DHX8: variants seen among roughly 807,000 people sequenced by gnomAD.
DHX8 encodes the protein DEAH-box helicase 8, also known as ATP-dependent RNA helicase DHX8.
Under a neutral mutation model 140.7 loss-of-function variants are expected in DHX8, and 67 were observed. The observed-to-expected ratio is 0.48, with a 90% CI of 0.39 to 0.58. DHX8 has a LOEUF of 0.58. Among genes scored for constraint, DHX8 ranks in the 20% least tolerant of loss-of-function variants. The pLI, the probability that DHX8 is intolerant of heterozygous loss-of-function variation, is 0.00. For missense variants in DHX8, 887 were observed against 1,550.7 expected (o/e 0.57, Z 7.19); for synonymous variants, 533 against 553.2 (o/e 0.96, Z 0.51).
intron 2 of DHX8, chr17:43,533,813 C>G: frequency 6.2e-7 from 1 of 1,600,230 alleles, no homozygotes; most frequent in East Asian, 2.3e-5. Context: ...CCTCCCTCCT[C>G]TGGAACCCTT....
Position 43,520,285 on chromosome 17 carries a change from C to T in DHX8, c.2937+18C>T, listed in dbSNP as rs556512585. 9 of 1,611,260 alleles carry T rather than the reference C, an allele frequency of 5.6e-6. No homozygotes were observed. The South Asian group carries it at 7.7e-5, about 14-fold the overall frequency. The stretch of plus-strand genomic sequence containing the variant: ...GCCGCCGGGTAAGGGACAGACTCAA[C>T]TTCCTGTGCTTTTGGGAAGATTCCC... On this transcript the variant is annotated intron_variant, in intron 19 of 22. Transcript: ENST00000262415.
intron 12 of DHX8, among the ~76,000 whole-genome samples, chr17:43,506,181 T>G (rs1367675934): frequency 1.3e-5 from 2 of 151,948 alleles, no homozygotes; most frequent in Non-Finnish European, 2.9e-5. Context: ...GTTTTTTGTA[T>G]TTTTTGTAGA....
At chr17:43,490,325 C>A in intron 2 of DHX8, 66 bp from the exon 3 acceptor site, 1 of 1,250,598 alleles carries the variant, frequency 8.0e-7, no homozygotes, top group Non-Finnish European at 1.2e-6. Flanking sequence ...ACATTCTTTG[C>A]CTTTTAAGTG....
downstream of DHX8, chr17:43,525,956 T>C (rs1313102807): frequency 2.0e-6 from 2 of 985,304 alleles, no homozygotes; most frequent in African/African-American, 3.5e-5. Context: ...GGGTTCGTTA[T>C]CTTTTCTGGC....
intron 20 of DHX8, 27 bp downstream of exon 20, chr17:43,520,906 T>TGGG (rs763655454): frequency 6.3e-7 from 1 of 1,577,748 alleles, no homozygotes; most frequent in East Asian, 2.3e-5. Flanking sequence ...CAAGTTTAGA[T>TGGG]GGGGGTGCCA....
chr17:43,510,405 T>A (rs1969755995), intron 16 of DHX8, among the ~76,000 whole-genome samples: 1 of 152,162 alleles, frequency 6.6e-6, no homozygotes, highest in Non-Finnish European at 1.5e-5. Context: ...TATGTGGGGA[T>A]TGGTTCCAGG....
At chr17:43,533,437 G>T (rs1369503131) in intron 2 of DHX8, 2 of 1,277,454 alleles carry the variant, frequency 1.6e-6, no homozygotes, top group Non-Finnish European at 2.2e-6. Flanking sequence ...GAGGTCACAG[G>T]GATTACAGGA....
At chr17:43,494,809 CTT>C (rs368825760) in intron 8 of DHX8, among the ~76,000 whole-genome samples, 1,690 of 134,508 alleles carry the variant, frequency 0.013, 33 homozygotes, top group African/African-American at 0.04. Context: ...GTTTTCTTTC[CTT>C]TTTTTTTTTT....
downstream of DHX8, chr17:43,529,151 T>C (rs761822251): frequency 6.2e-7 from 1 of 1,613,760 alleles, no homozygotes; most frequent in Non-Finnish European, 8.5e-7. Flanking sequence ...CATGATGCCT[T>C]TCTCATAATA....
At chr17:43,520,543 G>A (rs946512794) in intron 19 of DHX8, among the ~76,000 whole-genome samples, 1 of 152,178 alleles carries the variant, frequency 6.6e-6, no homozygotes, top group Non-Finnish European at 1.5e-5. Flanking sequence ...CCCAACAGTA[G>A]TTATATGCTT....
intron 12 of DHX8, among the ~76,000 whole-genome samples, chr17:43,506,392 G>A (rs1215246433): frequency 6.6e-6 from 1 of 151,722 alleles, no homozygotes; most frequent in Non-Finnish European, 1.5e-5. Flanking sequence ...GCCAAGGCGG[G>A]CGGATCACCT....
At chr17:43,530,123 T>G, downstream of DHX8, 1 of 1,579,636 alleles carries the variant, frequency 6.3e-7, no homozygotes, top group Non-Finnish European at 8.6e-7. Flanking sequence ...CCCCGTCACC[T>G]GGAGAGGGCC....
intron 1 of DHX8, among the ~76,000 whole-genome samples, chr17:43,486,698 G>A (rs1489794080): frequency 6.6e-6 from 1 of 151,954 alleles, no homozygotes; most frequent in Non-Finnish European, 1.5e-5. Context: ...GACCAACATG[G>A]TGAAACCCTG....
intron 3 of DHX8, among the ~76,000 whole-genome samples, chr17:43,542,691 C>T (rs1598218324): frequency 6.6e-6 from 1 of 152,114 alleles, no homozygotes; most frequent in Non-Finnish European, 1.5e-5. Flanking sequence ...AACGCCCGGA[C>T]GCAGGACACT....
At chr17:43,493,654 G>A (rs1362836500) in intron 7 of DHX8, 29 bp from the exon 8 acceptor site, 1 of 1,614,204 alleles carries the variant, frequency 6.2e-7, no homozygotes, top group Admixed American at 1.7e-5. Context: ...GACAGCAAGT[G>A]AGACAGCTCC....
At chr17:43,505,299 C>T (rs1157173595) in intron 12 of DHX8, among the ~76,000 whole-genome samples, 1 of 152,142 alleles carries the variant, frequency 6.6e-6, no homozygotes. Context: ...ATCCCAGCTA[C>T]TCTGGAGTCT....
chr17:43,493,484 G>C lies in DHX8; in HGVS notation c.903G>C (p.Arg301=). 1 of 1,614,186 alleles carries C rather than the reference G, an allele frequency of 6.2e-7. No individual in the cohort carries two copies. Among genetic ancestry groups the C allele is most frequent in the South Asian group, 1.1e-5 (1 of 91,080 alleles). The change falls in exon 7 of 23, where the codon CGG becomes CGC. Residue 301 remains arginine, a synonymous_variant. Transcript: ENST00000262415. ...GCCTGGTGCACATCTCTGAGCTCCGGCGGGAGGGTCGTGTGGCCAATGTAG... is the reference window on the plus strand; with the variant it reads ...GCCTGGTGCACATCTCTGAGCTCCGCCGGGAGGGTCGTGTGGCCAATGTAG... ...WEGLVHISEL[R]REGRVANVAD...
intron 8 of DHX8, among the ~76,000 whole-genome samples, chr17:43,494,578 G>A (rs8075520): frequency 1.6e-4 from 24 of 151,546 alleles, no homozygotes; most frequent in South Asian, 4.2e-4. Context: ...AAAATTAGCC[G>A]GGCGTCATGG....
chr17:43,530,847 T>G (rs1261212725), downstream of DHX8, among the ~76,000 whole-genome samples: 1 of 150,434 alleles, frequency 6.6e-6, no homozygotes, highest in Non-Finnish European at 1.5e-5. Context: ...CACTCCCACC[T>G]ATGAATGAGA....
Sources: allele counts gnomAD v4.1 joint callset (sites outside exome capture counted in the v4.1 genomes callset), GRCh38; gene constraint gnomAD v4.1.1; transcripts MANE v1.5; gene names NCBI Gene and HGNC (gene_info 2026-07-23, HGNC 2026-07-21).